Variants in DENND1A observed in about 807,000 individuals in gnomAD.
DENND1A encodes DENN domain containing 1A.
Under a neutral mutation model 113.7 loss-of-function variants are expected in DENND1A, and 51 were observed. The ratio of observed to expected loss-of-function variants is 0.45; its 90% CI spans 0.36 to 0.57. DENND1A has a LOEUF of 0.57. Among genes scored for constraint, DENND1A ranks in the 20% least tolerant of loss-of-function variants. The pLI, the probability that DENND1A is intolerant of heterozygous loss-of-function variation, is 0.00. For missense variants in DENND1A, 1,258 were observed against 1,395.9 expected (o/e 0.90, Z 1.57); for synonymous variants, 565 against 570.8 (o/e 0.99, Z 0.14).
chr9:123,492,334 G>A (rs939776819), intron 13 of DENND1A, among the ~76,000 whole-genome samples: 5 of 152,254 alleles, frequency 3.3e-5, no homozygotes, highest in Non-Finnish European at 7.3e-5. Flanking sequence ...GAGGACCAGA[G>A]AGGGAGGGAA....
intron 2 of DENND1A, among the ~76,000 whole-genome samples, chr9:123,872,114 T>C (rs1184502774): frequency 1.3e-5 from 2 of 152,134 alleles, no homozygotes; most frequent in Non-Finnish European, 1.5e-5. Context: ...GGGATCCCTA[T>C]GTAAAGGTAG....
At chr9:123,494,913 T>G (rs1346978193) in intron 13 of DENND1A, among the ~76,000 whole-genome samples, 3 of 152,110 alleles carry the variant, frequency 2.0e-5, no homozygotes, top group African/African-American at 7.2e-5. Flanking sequence ...TGCCTCAGCC[T>G]CCTGAGTAGC....
At chr9:123,846,442 T>C (rs1045883235) in intron 2 of DENND1A, among the ~76,000 whole-genome samples, 1 of 152,204 alleles carries the variant, frequency 6.6e-6, no homozygotes, top group Non-Finnish European at 1.5e-5. Flanking sequence ...AAAGTGGAGA[T>C]AACCAAATTG....
intron 13 of DENND1A, among the ~76,000 whole-genome samples, chr9:123,551,296 T>G (rs1236743862): frequency 6.6e-6 from 1 of 152,208 alleles, no homozygotes; most frequent in Non-Finnish European, 1.5e-5. Flanking sequence ...AGAGGCCAAG[T>G]GGAGCCCCTC....
At chr9:123,514,000 A>G (rs996061481) in intron 13 of DENND1A, among the ~76,000 whole-genome samples, 1 of 152,032 alleles carries the variant, frequency 6.6e-6, no homozygotes, top group African/African-American at 2.4e-5. Flanking sequence ...TTTATTAAAA[A>G]CAGAATTCCC....
intron 2 of DENND1A, among the ~76,000 whole-genome samples, chr9:123,844,975 T>C (rs1842370819): frequency 6.6e-6 from 1 of 152,128 alleles, no homozygotes; most frequent in African/African-American, 2.4e-5. Flanking sequence ...TCCCAGCACT[T>C]TGGGAGGCTG....
intron 11 of DENND1A, among the ~76,000 whole-genome samples, chr9:123,596,633 G>C (rs1475835183): frequency 1.3e-5 from 2 of 152,296 alleles, no homozygotes; most frequent in South Asian, 2.1e-4. Flanking sequence ...TCCAGGCACA[G>C]AGCTGGTGCT....
At chr9:123,839,111 A>G (rs979302856) in intron 2 of DENND1A, among the ~76,000 whole-genome samples, 1 of 152,114 alleles carries the variant, frequency 6.6e-6, no homozygotes, top group African/African-American at 2.4e-5. Context: ...GGTACAGACA[A>G]AAAGTGTCTG....
intron 6 of DENND1A, among the ~76,000 whole-genome samples, chr9:123,674,663 G>A (rs753787445): frequency 2.6e-5 from 4 of 152,140 alleles, no homozygotes; most frequent in African/African-American, 9.7e-5. Context: ...ATCTCAGTCC[G>A]ACATCCCAAG....
chr9:123,723,463 T>C (rs981643732), intron 5 of DENND1A, among the ~76,000 whole-genome samples: 1 of 152,110 alleles, frequency 6.6e-6, no homozygotes, highest in African/African-American at 2.4e-5. Context: ...TGGAATGATA[T>C]GGTTTGGCTG....
intron 4 of DENND1A, among the ~76,000 whole-genome samples, chr9:123,761,871 G>A (rs1428071651): frequency 6.6e-6 from 1 of 152,136 alleles, no homozygotes; most frequent in Non-Finnish European, 1.5e-5. Context: ...AATGACCTTG[G>A]GGAAAGGGTC....
intron 5 of DENND1A, among the ~76,000 whole-genome samples, chr9:123,691,119 T>C (rs1235050503): frequency 6.6e-6 from 1 of 152,182 alleles, no homozygotes; most frequent in Non-Finnish European, 1.5e-5. Context: ...GAAGCTATTT[T>C]TTCCCTGTTA....
At chr9:123,492,856 G>A (rs1376074045) in intron 13 of DENND1A, 3 of 152,170 alleles carry the variant, frequency 2.0e-5, no homozygotes, top group East Asian at 1.9e-4. Flanking sequence ...TTAGAAAAAC[G>A]CTAGCCTGGT....
intron 2 of DENND1A, among the ~76,000 whole-genome samples, chr9:123,866,375 T>G (rs1182374102): frequency 1.3e-5 from 2 of 152,240 alleles, no homozygotes; most frequent in Admixed American, 1.3e-4. Flanking sequence ...ATAGGTTGAA[T>G]TATTCATGTG....
At chr9:123,705,449 A>G (rs1162803248) in intron 5 of DENND1A, among the ~76,000 whole-genome samples, 1 of 152,204 alleles carries the variant, frequency 6.6e-6, no homozygotes, top group African/African-American at 2.4e-5. Context: ...ATCCAAAAGG[A>G]TATATAATAA....
chr9:123,401,613 C>T, intron 21 of DENND1A: 1 of 1,431,422 alleles, frequency 7.0e-7, no homozygotes, highest in South Asian at 1.5e-5. Flanking sequence ...TGGTTTATTT[C>T]AACCCCAAAT....
At chr9:123,547,378 A>T (rs2056769305) in intron 13 of DENND1A, among the ~76,000 whole-genome samples, 1 of 152,146 alleles carries the variant, frequency 6.6e-6, no homozygotes, top group African/African-American at 2.4e-5. Flanking sequence ...AAAAATACAA[A>T]ATTAGCTGGG....
rs533932360 is a variant in DENND1A at position 123,639,725 on chromosome 9, C to T, written c.619-9249G>A. ...CCGGGAGGTAGAGGTTGTGGTGAGC[C>T]AAGATCTCGCCACTGCACTCTAGCC... On this transcript the variant is annotated intron_variant, in intron 9 of 23. Coordinates refer to ENST00000394215, the MANE Select transcript of DENND1A (RefSeq NM_001352964.2). Among the ~76,000 whole-genome samples the T allele has an allele frequency of 1.0e-3, 142 of 140,242 alleles. 1 individual carries two copies. The highest frequency in any genetic ancestry group is 4.4e-3 in the Middle Eastern group (1 of 228). The allele number at this position is 140,242 out of a possible 152,430, so 92.0% of individuals were successfully genotyped here. A position where few individuals can be genotyped will look rare whatever the true frequency, so the allele number is the denominator to read the frequency against.
chr9:123,808,804 AG>A (rs1836047090), intron 2 of DENND1A, among the ~76,000 whole-genome samples: 1 of 152,194 alleles, frequency 6.6e-6, no homozygotes, highest in African/African-American at 2.4e-5. Context: ...GTCTCAGCTC[AG>A]GTTCTATAAT....
Sources: allele counts gnomAD v4.1 joint callset (sites outside exome capture counted in the v4.1 genomes callset), GRCh38; gene constraint gnomAD v4.1.1; transcripts MANE v1.5; gene names NCBI Gene and HGNC (gene_info 2026-07-23, HGNC 2026-07-21).